ABCC8: variants seen among roughly 807,000 people sequenced by gnomAD.
ABCC8 encodes ATP-binding cassette sub-family C member 8.
ABCC8 carries 137 observed loss-of-function variants against 188.0 expected under a neutral mutation model. That is an observed-to-expected ratio of 0.73 (90% CI 0.63 to 0.84). ABCC8 has a LOEUF of 0.84. Ranked by LOEUF, ABCC8 falls within the 40% of genes least tolerant of loss-of-function variation. The pLI is 0.00. For synonymous variants in ABCC8, 797 were observed against 846.5 expected (o/e 0.94, Z 1.01); for missense variants, 1,750 against 2,072.7 (o/e 0.84, Z 3.02).
At chr11:17,470,612 T>A (rs1280081397) in intron 2 of ABCC8, among the ~76,000 whole-genome samples, 1 of 152,176 alleles carries the variant, frequency 6.6e-6, no homozygotes, top group Non-Finnish European at 1.5e-5. Flanking sequence ...TATGGAGCAT[T>A]TACTCTGTGC....
At position 17,442,569 on chromosome 11, in the gene ABCC8, C is replaced by G. The variant is rs138706089; in HGVS notation, c.1630+151G>C. ...AGTACTTTGATTTCTGGGAGCTTAGCTATCAGAGCCAGTTTGAGGCTCCCC... is the reference window on the plus strand; with the variant it reads ...AGTACTTTGATTTCTGGGAGCTTAGGTATCAGAGCCAGTTTGAGGCTCCCC... On this transcript the variant is annotated intron_variant, in intron 10 of 38. Coordinates refer to ENST00000389817, the MANE Select transcript of ABCC8 (RefSeq NM_000352.6). The G allele has an allele frequency of 2.4e-4, 186 of 769,474 alleles. No individual in the cohort carries two copies. The African/African-American group carries it at 2.9e-3, about 12-fold the overall frequency. The allele number at this position is 769,474 out of a possible 1,614,324, so 47.7% of individuals were successfully genotyped here.
At chr11:17,449,824 T>C (rs151017187) in intron 7 of ABCC8, among the ~76,000 whole-genome samples, 140 of 152,360 alleles carry the variant, frequency 9.2e-4, no homozygotes, top group African/African-American at 3.2e-3. Context: ...TGAGCTAATA[T>C]ACACCATGGG....
Position 17,414,598 on chromosome 11 carries a change from G to C in ABCC8, c.2304C>G (p.Pro768=). 6.2e-7 allele frequency: 1 copy of C among 1,614,198 alleles called. No homozygotes were observed. The highest frequency in any genetic ancestry group is 8.5e-7 in the Non-Finnish European group (1 of 1,180,034). Residue 768 remains proline, a synonymous_variant, in exon 19 of 39, where the codon CCC becomes CCG. Coordinates refer to ENST00000389817, the MANE Select transcript of ABCC8 (RefSeq NM_000352.6). The stretch of plus-strand genomic sequence containing the variant: ...ATGGTTTCTGCGAAGCATAGGCCAC[G>C]GGGCCTCTCTTCCTGGAAAAAGCAG... ...ATDLDIRKRG[P]VAYASQKPWL...
In ABCC8 at chr11:17,463,334, C is replaced by T. The variant is rs1020661590; in HGVS notation, c.579+104G>A. On this transcript the variant is annotated intron_variant, in intron 4 of 38. Coordinates refer to ENST00000389817, the MANE Select transcript of ABCC8 (RefSeq NM_000352.6). ...ACGGGCGGGTAAAACAAGCTGATCCCTTCTCAGTTTGGCTGAGAAGCAGGG... is the reference window on the plus strand; with the variant it reads ...ACGGGCGGGTAAAACAAGCTGATCCTTTCTCAGTTTGGCTGAGAAGCAGGG... The T allele has an allele frequency of 3.1e-5, 31 of 1,013,588 alleles. No homozygotes were observed. The African/African-American group carries it at 3.2e-4, about 10-fold the overall frequency. The allele number at this position is 1,013,588 out of a possible 1,614,324, so 62.8% of individuals were successfully genotyped here.
At chr11:17,415,183 C>A in intron 18 of ABCC8, 121 bp downstream of exon 18, 1 of 1,414,234 alleles carries the variant, frequency 7.1e-7, no homozygotes. Flanking sequence ...CCCTCCCTGG[C>A]CTCCCCCAAC....
intron 33 of ABCC8, 89 bp from the exon 34 acceptor site, chr11:17,396,019 G>A: frequency 3.9e-6 from 6 of 1,541,810 alleles, no homozygotes; most frequent in East Asian, 2.4e-5. Context: ...GTGCAGGTGT[G>A]GGAGGTCACA....
intron 1 of ABCC8, 70 bp downstream of exon 1, chr11:17,476,559 G>C: frequency 6.4e-7 from 1 of 1,555,922 alleles, no homozygotes; most frequent in East Asian, 2.4e-5. Context: ...CGAGCGGTGC[G>C]GCGCGCAGCG....
intron 21 of ABCC8, among the ~76,000 whole-genome samples, chr11:17,411,325 C>T (rs1423588605): frequency 6.6e-6 from 1 of 152,212 alleles, no homozygotes; most frequent in Non-Finnish European, 1.5e-5. Flanking sequence ...TAGTGCCTGG[C>T]ACAGAGTAGA....
At position 17,404,635 on chromosome 11, in the gene ABCC8, G is replaced by A; in HGVS notation, c.3434C>T (p.Ser1145Phe). Residue 1145 changes from serine to phenylalanine, a missense_variant, in exon 28 of 39, where the codon TCC (serine) becomes TTC (phenylalanine). Transcript: ENST00000389817. The surrounding 1 kb of genome is among the most constrained non-coding windows in gnomAD (Gnocchi z 4.7). ...IPSTLECLSR[S>F]TLLCVSALAV... is the part of the protein sequence containing the mutation. ...CAGGGCTGAGACACAGAGCAGGGTGGAGCGGCTCAGGCACTCCAGCGTGGA... is the reference window on the plus strand; with the variant it reads ...CAGGGCTGAGACACAGAGCAGGGTGAAGCGGCTCAGGCACTCCAGCGTGGA... The A allele has an allele frequency of 6.2e-7, 1 of 1,613,012 alleles. No homozygotes were observed. The highest frequency in any genetic ancestry group is 8.5e-7 in the Non-Finnish European group (1 of 1,179,724).
At chr11:17,446,353 C>G (rs1956530557) in intron 8 of ABCC8, among the ~76,000 whole-genome samples, 1 of 152,116 alleles carries the variant, frequency 6.6e-6, no homozygotes, top group Non-Finnish European at 1.5e-5. Context: ...TTAGGATCCT[C>G]CCAGGCTGTG....
At chr11:17,432,333 C>G in intron 10 of ABCC8, 89 bp from the exon 11 acceptor site, 1 of 1,549,832 alleles carries the variant, frequency 6.5e-7, no homozygotes. Flanking sequence ...GCAGCGCAGT[C>G]CAGTGGGGCC....
chr11:17,449,540 A>G (rs1207965666), intron 7 of ABCC8, among the ~76,000 whole-genome samples: 1 of 152,220 alleles, frequency 6.6e-6, no homozygotes, highest in East Asian at 1.9e-4. Flanking sequence ...GAGAGCAGCC[A>G]TGGTAATGGC....
chr11:17,427,108 C>A lies in ABCC8; in HGVS notation c.2163G>T (p.Ser721=), dbSNP rs201724038. The A allele has an allele frequency of 1.2e-6, 2 of 1,613,838 alleles. No individual in the cohort carries two copies. The highest frequency in any genetic ancestry group is 1.7e-6 in the Non-Finnish European group (2 of 1,179,898). ...TCTCCCCCAGTGCGGCTAGAAGGAG[C>A]GAGGACTTGCCGCAGCCCACCTGCC... ...IVGQVGCGKS[S]LLLAALGEMQ... is the part of the protein sequence containing the mutation. Residue 721 remains serine, a synonymous_variant, in exon 16 of 39, where the codon TCG becomes TCT. Coordinates refer to ENST00000389817, the MANE Select transcript of ABCC8 (RefSeq NM_000352.6). This position sits in a 1 kb window ranked among gnomAD's most constrained non-coding sequence, Gnocchi z 5.0.
In ABCC8 at chr11:17,466,565, A is replaced by C. The variant is rs536161667; in HGVS notation, c.413-2961T>G. Among the ~76,000 whole-genome samples, 7 of 152,290 alleles carry C rather than the reference A, an allele frequency of 4.6e-5. No individual in the cohort carries two copies. In the East Asian group the frequency reaches 1.3e-3, roughly 29 times the overall value. On this transcript the variant is annotated intron_variant, in intron 3 of 38. Coordinates refer to ENST00000389817, the MANE Select transcript of ABCC8 (RefSeq NM_000352.6). ...TACAGAGTTTCAACCTGGGAAGATGAAAAAGTTCTGGAGATGGATAGTGGT... is the reference window on the plus strand; with the variant it reads ...TACAGAGTTTCAACCTGGGAAGATGCAAAAGTTCTGGAGATGGATAGTGGT...
chr11:17,404,684 G>C lies in ABCC8; in HGVS notation c.3400-15C>G. On this transcript the variant is annotated splice_polypyrimidine_tract_variant and intron_variant, in intron 27 of 38. Transcript: ENST00000389817. This position sits in a 1 kb window ranked among gnomAD's most constrained non-coding sequence, Gnocchi z 4.7. The stretch of plus-strand genomic sequence containing the variant: ...GATGGGATGTGCTGAGGGAGACGAG[G>C]GGGAGAGAGTGAGGTGAATTTTGGT... 3.1e-6 allele frequency: 5 copies of C among 1,594,904 alleles called. No individual in the cohort carries two copies. The highest frequency in any genetic ancestry group is 4.3e-6 in the Non-Finnish European group (5 of 1,171,026).
chr11:17,411,516 G>A (rs561164389), intron 21 of ABCC8, among the ~76,000 whole-genome samples: 24 of 150,300 alleles, frequency 1.6e-4, no homozygotes, highest in African/African-American at 5.5e-4. Context: ...GTGCTTGTGC[G>A]TGTGGTGTAG....
At position 17,394,383 on chromosome 11, in the gene ABCC8, T is replaced by A; in HGVS notation, c.4428A>T (p.Glu1476Asp). The change falls in exon 37 of 39, where the codon GAA becomes GAT. Residue 1476 changes from glutamate (E) to aspartate (D), a missense_variant. Coordinates refer to ENST00000389817, the MANE Select transcript of ABCC8 (RefSeq NM_000352.6). ...LPGGLDAIIT[E>D]GGENFSQGQR... ...GTCCCTGGCTGAAATTCTCCCCGCC[T>A]TCTGTGATGATGGCATCTGAAAACA... 6.2e-7 allele frequency: 1 copy of A among 1,614,186 alleles called. No homozygotes were observed. Among genetic ancestry groups the A allele is most frequent in the Non-Finnish European group, 8.5e-7 (1 of 1,180,028 alleles).
chr11:17,416,785 C>A, intron 17 of ABCC8, 145 bp downstream of exon 17: 1 of 1,271,826 alleles, frequency 7.9e-7, no homozygotes, highest in Non-Finnish European at 1.1e-6. Flanking sequence ...ATTGAGAATG[C>A]AGGCCTTAGC....
At position 17,406,894 on chromosome 11, in the gene ABCC8, G is replaced by T; in HGVS notation, c.3156C>A (p.Leu1052=). The change falls in exon 25 of 39, where the codon CTC becomes CTA. Residue 1052 remains leucine (L), a synonymous_variant. Coordinates refer to ENST00000389817, the MANE Select transcript of ABCC8 (RefSeq NM_000352.6). ...CATGGGCCGCCAGTCACACCTGGCT[G>T]AGGGAGCAGTTCCTGGCTGCAGGGG... ...TLTPAARNCS[L]SQECTLDQTV... The T allele has an allele frequency of 6.2e-7, 1 of 1,614,160 alleles. No homozygotes were observed. Among genetic ancestry groups the T allele is most frequent in the Non-Finnish European group, 8.5e-7 (1 of 1,180,056 alleles).
Sources: allele counts gnomAD v4.1 joint callset (sites outside exome capture counted in the v4.1 genomes callset), GRCh38; gene constraint gnomAD v4.1.1; non-coding constraint Gnocchi (gnomAD v3.1); transcripts MANE v1.5; gene names NCBI Gene and HGNC (gene_info 2026-07-23, HGNC 2026-07-21).